Variants in ENY2 observed in about 807,000 individuals in gnomAD.
The protein encoded by ENY2 is transcription and mRNA export factor ENY2.
ENY2 carries 4 observed loss-of-function variants against 15.9 expected under a neutral mutation model. That is an observed-to-expected ratio of 0.25 (90% CI 0.12 to 0.57). ENY2 has a LOEUF of 0.57. Among genes scored for constraint, ENY2 ranks in the 20% least tolerant of loss-of-function variants. The pLI, the probability that ENY2 is intolerant of heterozygous loss-of-function variation, is 0.91. For missense variants in ENY2, 54 were observed against 117.2 expected (o/e 0.46, Z 2.49); for synonymous variants, 48 against 38.0 (o/e 1.26, Z -0.97).
At chr8:109,336,417 G>A (rs1815986945) in intron 2 of ENY2, 1 of 490,068 alleles carries the variant, frequency 2.0e-6, no homozygotes, top group Non-Finnish European at 3.6e-6. Flanking sequence ...AGCAAGATAT[G>A]GCTCTTAAAG....
At position 109,345,000 on chromosome 8, in the gene ENY2, T is replaced by C. The variant is rs1487039584; in HGVS notation, c.*1519T>C. The stretch of plus-strand genomic sequence containing the variant: ...AGGCCCTTCTTGATCTGACATCGTG[T>C]TTCTCTAGTTAGACTAAAGAATCCC... On this transcript the variant is annotated 3_prime_UTR_variant, in exon 5 of 5. Transcript: ENST00000521688. 6.6e-6 allele frequency: 1 copy of C among 152,206 alleles called. No individual in the cohort carries two copies. The highest frequency in any genetic ancestry group is 1.5e-5 in the Non-Finnish European group (1 of 68,044). The allele number at this position is 152,206 out of a possible 1,614,324, so 9.4% of individuals were successfully genotyped here. A position where few individuals can be genotyped will look rare whatever the true frequency, so the allele number is the denominator to read the frequency against.
chr8:109,334,792 C>G (rs1269978486), intron 1 of ENY2: 5 of 442,356 alleles, frequency 1.1e-5, no homozygotes, highest in Non-Finnish European at 2.0e-5. Context: ...AGGTCACTAT[C>G]CGTATTTTAG....
In ENY2 at chr8:109,339,103, C is replaced by T. The variant is rs540322267; in HGVS notation, c.84-217C>T. ...AGCCCCTCCACTTCATTTAATTTCA[C>T]TCATTAAATGAGACCCAGATGAAAT... On this transcript the variant is annotated intron_variant, in intron 2 of 4. Transcript: ENST00000521688. 29 of 556,036 alleles carry T rather than the reference C, an allele frequency of 5.2e-5. 2 individuals are homozygous for T. In the South Asian group the frequency reaches 6.5e-4, roughly 12 times the overall value. 34.4% of individuals were successfully genotyped at this position (556,036 alleles called of 1,614,324 possible).
At chr8:109,334,739 C>G in intron 1 of ENY2, 1 of 521,336 alleles carries the variant, frequency 1.9e-6, no homozygotes, top group Non-Finnish European at 3.4e-6. Context: ...CTTGTTTTAC[C>G]AGTGAGAAAA....
At chr8:109,340,088 C>G (rs899177315) in intron 3 of ENY2, among the ~76,000 whole-genome samples, 2 of 148,664 alleles carry the variant, frequency 1.3e-5, no homozygotes, top group African/African-American at 4.9e-5. Flanking sequence ...GCCTCAGTTG[C>G]TTCACCTGTG....
intron 4 of ENY2, chr8:109,342,610 T>G: frequency 3.1e-6 from 2 of 652,844 alleles, no homozygotes; most frequent in South Asian, 3.3e-5. Flanking sequence ...CAGGCTTAAG[T>G]GATCCTTCTC....
At chr8:109,342,162 C>G (rs944181233) in intron 4 of ENY2, among the ~76,000 whole-genome samples, 2 of 149,734 alleles carry the variant, frequency 1.3e-5, no homozygotes, top group Non-Finnish European at 3.0e-5. Flanking sequence ...GTTAACCCCC[C>G]CCTTTTTTTT....
At chr8:109,335,822 T>A in intron 1 of ENY2, 1 of 200,538 alleles carries the variant, frequency 5.0e-6, no homozygotes, top group East Asian at 1.1e-4. Context: ...ATTTTGCCTT[T>A]CCACTTTCTA....
rs1816194968 is a variant in ENY2, at chr8:109,344,546, T to G, written c.*1065T>G. ...GAATATCCTCACTTCAAACTGACCT[T>G]ACCTAAAATAATGACTTTTTCCCCC... On this transcript the variant is annotated 3_prime_UTR_variant, in exon 5 of 5. Transcript: ENST00000521688. 2 of 152,284 alleles carry G rather than the reference T, an allele frequency of 1.3e-5. No individual in the cohort carries two copies. 9.4% of individuals were successfully genotyped at this position (152,284 alleles called of 1,614,324 possible).
intron 2 of ENY2, among the ~76,000 whole-genome samples, chr8:109,337,571 TAAAG>T (rs1816013848): frequency 6.6e-6 from 1 of 151,608 alleles, no homozygotes; most frequent in Non-Finnish European, 1.5e-5. Context: ...AAGCAGAAAA[TAAAG>T]AGGTGTAATA....
chr8:109,337,982 G>A (rs919872926), intron 2 of ENY2, among the ~76,000 whole-genome samples: 2 of 152,158 alleles, frequency 1.3e-5, no homozygotes, highest in Non-Finnish European at 2.9e-5. Flanking sequence ...TCATTTTTGA[G>A]GAGCACAGGG....
At chr8:109,335,211 T>G (rs1815936298) in intron 1 of ENY2, 1 of 152,218 alleles carries the variant, frequency 6.6e-6, no homozygotes, top group Admixed American at 6.5e-5. Context: ...AGTTTGAGAT[T>G]TGTTTTCTTC....
rs1236527437 is a variant in ENY2, at chr8:109,334,509, C to T, written c.6+35C>T. 3.7e-6 allele frequency: 6 copies of T among 1,607,648 alleles called. No individual in the cohort carries two copies. The East Asian group carries it at 6.7e-5, about 18-fold the overall frequency. Reference sequence around the variant, plus strand: ...GCCCGTGGTCCTCAGGGCCGGGACCCGGGCCCAGCCCAGGCTCCTTTCGAT... The same window carrying T: ...GCCCGTGGTCCTCAGGGCCGGGACCTGGGCCCAGCCCAGGCTCCTTTCGAT... On this transcript the variant is annotated intron_variant, in intron 1 of 4. Coordinates refer to ENST00000521688, the MANE Select transcript of ENY2 (RefSeq NM_020189.6).
chr8:109,334,435 C>T lies in ENY2; in HGVS notation c.-34C>T. On this transcript the variant is annotated 5_prime_UTR_variant, in exon 1 of 5. Coordinates refer to ENST00000521688, the MANE Select transcript of ENY2 (RefSeq NM_020189.6). ...ACGGTCCTCAGCGCAAGGGTCATTT[C>T]GTCGCTGGGAAGGGACGGCCCTCGC... 1 of 1,613,954 alleles carries T rather than the reference C, an allele frequency of 6.2e-7. No homozygotes were observed. The highest frequency in any genetic ancestry group is 8.5e-7 in the Non-Finnish European group (1 of 1,179,940).
chr8:109,342,892 A>T, intron 4 of ENY2: 1 of 512,386 alleles, frequency 2.0e-6, no homozygotes, highest in Non-Finnish European at 3.5e-6. Context: ...TTGTCTTCTG[A>T]GATGGGGACC....
In ENY2 at chr8:109,344,428, A is replaced by G. The variant is rs946636303; in HGVS notation, c.*947A>G. On this transcript the variant is annotated 3_prime_UTR_variant, in exon 5 of 5. Transcript: ENST00000521688. ...GAAACTTGCGTCAGACCGTGACTTC[A>G]AATACAGGTTGATAAATGCTAAACT... 1.3e-5 allele frequency: 2 copies of G among 152,258 alleles called. No homozygotes were observed. The highest frequency in any genetic ancestry group is 4.8e-5 in the African/African-American group (2 of 41,432). The allele number at this position is 152,258 out of a possible 1,614,324, so 9.4% of individuals were successfully genotyped here.
chr8:109,337,398 G>GT (rs1191833977), intron 2 of ENY2, among the ~76,000 whole-genome samples: 1 of 151,618 alleles, frequency 6.6e-6, no homozygotes, highest in Non-Finnish European at 1.5e-5. Flanking sequence ...GCAGCTTCAA[G>GT]TTACTGAGTT....
At chr8:109,338,041 C>CA (rs1466858486) in intron 2 of ENY2, among the ~76,000 whole-genome samples, 1 of 152,048 alleles carries the variant, frequency 6.6e-6, no homozygotes, top group African/African-American at 2.4e-5. Flanking sequence ...GAGATTAAGT[C>CA]AGTGGCATAG....
rs985911368 is a variant in ENY2, at chr8:109,343,921, G to A, written c.*440G>A. ...CTTATTCGTATTGTTTATAAACTTT[G>A]AGGGTTAGGACTGGGTCTTACTCAT... On this transcript the variant is annotated 3_prime_UTR_variant, in exon 5 of 5. Transcript: ENST00000521688. 1 of 153,016 alleles carries A rather than the reference G, an allele frequency of 6.5e-6. No homozygotes were observed. Among genetic ancestry groups the A allele is most frequent in the African/African-American group, 2.4e-5 (1 of 41,414 alleles). 9.5% of individuals were successfully genotyped at this position (153,016 alleles called of 1,614,324 possible). A position where few individuals can be genotyped will look rare whatever the true frequency, so the allele number is the denominator to read the frequency against.
Sources: allele counts gnomAD v4.1 joint callset (sites outside exome capture counted in the v4.1 genomes callset), GRCh38; gene constraint gnomAD v4.1.1; transcripts MANE v1.5; gene names NCBI Gene and HGNC (gene_info 2026-07-23, HGNC 2026-07-21).